ZNF705A: variants seen among roughly 807,000 people sequenced by gnomAD.
ZNF705A encodes zinc finger protein 705A.
Under a neutral mutation model 16.6 loss-of-function variants are expected in ZNF705A, and 8 were observed. The observed-to-expected ratio is 0.48, with a 90% confidence interval of 0.28 to 0.87. ZNF705A has a LOEUF of 0.87. Ranked by LOEUF, ZNF705A falls within the 40% of genes least tolerant of loss-of-function variation. The probability of loss-of-function intolerance (pLI) is 0.10; values close to 1 mark genes in which losing one functional copy is unlikely to be tolerated. For synonymous variants in ZNF705A, 73 were observed against 117.3 expected (o/e 0.62, Z 2.44); for missense variants, 233 against 359.9 (o/e 0.65, Z 2.85).
upstream of ZNF705A, among the ~76,000 whole-genome samples, chr12:8,171,132 T>C (rs1432442445): frequency 6.6e-6 from 1 of 152,206 alleles, no homozygotes; most frequent in African/African-American, 2.4e-5. Flanking sequence ...GCAGGGTTAT[T>C]ATGAGGGTTA....
intron 2 of ZNF705A, among the ~76,000 whole-genome samples, 173 bp from the exon 4 acceptor site, chr12:8,175,055 T>A (rs1267837761): frequency 6.6e-6 from 1 of 152,202 alleles, no homozygotes; most frequent in Admixed American, 6.5e-5. Context: ...AGATTTATTT[T>A]CCAGTCTCAT....
At chr12:8,171,392 T>G (rs1344134239), upstream of ZNF705A, among the ~76,000 whole-genome samples, 6 of 152,244 alleles carry the variant, frequency 3.9e-5, no homozygotes, top group Non-Finnish European at 8.8e-5. Context: ...CCTACATATC[T>G]ATGTACGAAT....
intron 1 of ZNF705A, among the ~76,000 whole-genome samples, chr12:8,162,676 A>C (rs777441982): frequency 6.6e-6 from 1 of 152,134 alleles, no homozygotes; most frequent in Non-Finnish European, 1.5e-5. Context: ...AAGAAAAGTT[A>C]AAAGAAGTAG....
Position 8,172,723 on chromosome 12 carries a change from A to G in ZNF705A, c.12+86A>G, listed in dbSNP as rs1223103901. The G allele has an allele frequency of 3.2e-6, 5 of 1,555,800 alleles. No individual in the cohort carries two copies. The South Asian group carries it at 5.6e-5, about 18-fold the overall frequency. On this transcript the variant is annotated intron_variant, in intron 1 of 4. Transcript: ENST00000359286. ...TTTCTCCAATTTGCATGGGTGTTTCATTTTTATTCTTTTCTGTTTGTTTGT... is the reference window on the plus strand; with the variant it reads ...TTTCTCCAATTTGCATGGGTGTTTCGTTTTTATTCTTTTCTGTTTGTTTGT...
At chr12:8,161,350 A>C (rs1231683394) in intron 1 of ZNF705A, among the ~76,000 whole-genome samples, 1 of 152,024 alleles carries the variant, frequency 6.6e-6, no homozygotes, top group East Asian at 1.9e-4. Flanking sequence ...CTCTTTCTTT[A>C]TCCTGTGGAA....
At chr12:8,164,470 A>G (rs993738140) in intron 1 of ZNF705A, among the ~76,000 whole-genome samples, 2 of 152,204 alleles carry the variant, frequency 1.3e-5, no homozygotes, top group African/African-American at 4.8e-5. Flanking sequence ...TTAGCCATTT[A>G]TCCTGATACT....
upstream of ZNF705A, chr12:8,168,910 A>T (rs765450233): frequency 9.0e-4 from 137 of 152,314 alleles, no homozygotes; most frequent in African/African-American, 3.2e-3. Flanking sequence ...TTATTTTTTT[A>T]AAATAATGTA....
At chr12:8,159,559 G>A (rs1948336369) in intron 1 of ZNF705A, among the ~76,000 whole-genome samples, 1 of 152,142 alleles carries the variant, frequency 6.6e-6, no homozygotes, top group South Asian at 2.1e-4. Flanking sequence ...CTGATCATTA[G>A]TGATGCTGAG....
At chr12:8,159,943 T>A (rs1488515876) in intron 1 of ZNF705A, among the ~76,000 whole-genome samples, 1 of 152,192 alleles carries the variant, frequency 6.6e-6, no homozygotes, top group African/African-American at 2.4e-5. Context: ...TTTCTAGAAT[T>A]TTTATGGTTT....
chr12:8,167,531 T>C (rs1948409370), intron 1 of ZNF705A, among the ~76,000 whole-genome samples: 1 of 152,196 alleles, frequency 6.6e-6, no homozygotes, highest in Admixed American at 6.5e-5. Flanking sequence ...AAAGAGCATC[T>C]GAAGAGTTTA....
rs1948481759 is a variant in ZNF705A, at chr12:8,175,998, T to C, written c.318+56T>C. 2.4e-5 allele frequency: 39 copies of C among 1,602,908 alleles called. No individual in the cohort carries two copies. In the South Asian group the frequency reaches 3.9e-4, roughly 16 times the overall value. The stretch of plus-strand genomic sequence containing the variant: ...CTAAGTTAAAGACATGGTAATGGGT[T>C]AAGTTAGTAATGAAGCACAATCACC... On this transcript the variant is annotated intron_variant, in intron 4 of 4. Coordinates refer to ENST00000359286, the Ensembl canonical transcript of ZNF705A.
At chr12:8,171,523 A>T (rs1361286108), upstream of ZNF705A, among the ~76,000 whole-genome samples, 1 of 152,214 alleles carries the variant, frequency 6.6e-6, no homozygotes, top group Non-Finnish European at 1.5e-5. Context: ...TTAGTAAAAT[A>T]TCAGATTGAG....
intron 1 of ZNF705A, among the ~76,000 whole-genome samples, chr12:8,160,017 G>T (rs566418515): frequency 3.9e-5 from 6 of 152,092 alleles, no homozygotes; most frequent in African/African-American, 1.4e-4. Flanking sequence ...GAAAGATGGG[G>T]ATCTAGTTTC....
At chr12:8,167,618 C>T (rs181085336), upstream of ZNF705A, among the ~76,000 whole-genome samples, 373 of 152,260 alleles carry the variant, frequency 2.4e-3, no homozygotes, top group Non-Finnish European at 3.5e-3. Context: ...CTGCATCCTC[C>T]CACTTTTTAT....
chr12:8,174,198 G>T, intron 1 of ZNF705A, 128 bp from the exon 3 acceptor site: 1 of 1,568,160 alleles, frequency 6.4e-7, no homozygotes, highest in Non-Finnish European at 8.6e-7. Context: ...TACTGAGAAT[G>T]AACTGGCTGG....
rs764378149 is a variant in ZNF705A, at chr12:8,176,534, G to A, written c.319-465G>A. On this transcript the variant is annotated intron_variant, in intron 4 of 4. Coordinates refer to ENST00000359286, the Ensembl canonical transcript of ZNF705A. ...CACATAAGATGACATAAACAAATGA[G>A]GCAGAGGAATAATGCAGGAAAGCTG... Among the ~76,000 whole-genome samples the A allele has an allele frequency of 1.7e-4, 26 of 152,292 alleles. No individual in the cohort carries two copies. The South Asian group carries it at 5.4e-3, about 32-fold the overall frequency.
At chr12:8,168,115 C>T (rs1453407639), upstream of ZNF705A, among the ~76,000 whole-genome samples, 1 of 152,234 alleles carries the variant, frequency 6.6e-6, no homozygotes, top group African/African-American at 2.4e-5. Context: ...AGTGTGCCCC[C>T]GGAAGATTAT....
rs756807993 is a variant in ZNF705A at position 8,159,959 on chromosome 12, C to G, written c.-72+2867C>G. ...TTCTAGAATTTTTATGGTTTCAGGTCTTAGGTTTAAGTCTGTAATCCATCT... is the reference window on the plus strand; with the variant it reads ...TTCTAGAATTTTTATGGTTTCAGGTGTTAGGTTTAAGTCTGTAATCCATCT... On this transcript the variant is annotated intron_variant, in intron 1 of 5. Transcript: ENST00000396570. 5.3e-5 allele frequency among the ~76,000 whole-genome samples: 8 copies of G among 152,090 alleles called. No individual in the cohort carries two copies. The East Asian group carries it at 1.5e-3, about 29-fold the overall frequency.
chr12:8,177,249 A>C, exon 5 of ZNF705A: 1 of 1,611,778 alleles, frequency 6.2e-7, no homozygotes, highest in African/African-American at 1.3e-5. Flanking sequence ...CTTAGACGGC[A>C]CAAGATGACT....
Sources: gnomAD v4.1 joint callset for allele counts (sites outside exome capture counted in the v4.1 genomes callset) on GRCh38, gnomAD v4.1.1 for gene constraint, MANE v1.5 for transcripts, NCBI Gene and HGNC (gene_info 2026-07-23, HGNC 2026-07-21) for gene names.